Variants in PRDM16 observed in about 807,000 individuals in gnomAD.
PRDM16 encodes the protein PR/SET domain 16, also known as histone-lysine N-methyltransferase PRDM16.
Under a neutral mutation model 110.6 loss-of-function variants are expected in PRDM16, and 23 were observed. That is an observed-to-expected ratio of 0.21 (90% CI 0.15 to 0.29). PRDM16 has a LOEUF of 0.29. Among genes scored for constraint, PRDM16 ranks in the 10% least tolerant of loss-of-function variants. The probability of loss-of-function intolerance (pLI) is 1.00; values close to 1 mark genes in which losing one functional copy is unlikely to be tolerated. For missense variants in PRDM16, 1,615 were observed against 1,794.3 expected (o/e 0.90, Z 1.81); for synonymous variants, 799 against 781.8 (o/e 1.02, Z -0.37).
At chr1:3,199,885 C>A (rs1413587866) in intron 2 of PRDM16, among the ~76,000 whole-genome samples, 1 of 152,220 alleles carries the variant, frequency 6.6e-6, no homozygotes, top group African/African-American at 2.4e-5. Context: ...GTGACCCTGC[C>A]CCTCAAGGGC....
rs373011563 is a variant in PRDM16, at chr1:3,411,771, G to T, written c.1574G>T (p.Arg525Leu). Residue 525 changes from arginine to leucine, a missense_variant, in exon 9 of 17, where the codon CGG becomes CTG. Arg to Leu is a moderately radical substitution (Grantham distance 102). Around this residue, in one of 5 missense-constraint regions of PRDM16, gnomAD observed 772 missense variants for 748.3 expected, o/e 1.03. Transcript: ENST00000270722. ...PGIFPPSLYP[R>L]PPLLPPTSLL... ...ATCTTCCCTCCATCCTTGTACCCCC[G>T]GCCGCCTCTGCTACCTCCCACATCG... is the stretch of plus-strand genomic sequence containing the variant. 8 of 1,611,530 alleles carry T rather than the reference G, an allele frequency of 5.0e-6. No individual in the cohort carries two copies. Among genetic ancestry groups the T allele is most frequent in the Non-Finnish European group, 6.8e-6 (8 of 1,179,682 alleles).
At position 3,130,343 on chromosome 1, in the gene PRDM16, A is replaced by G. The variant is rs145656903; in HGVS notation, c.38-55782A>G. ...AGCGCACCACTGTGCCCCATATCCC[A>G]GTGTGTCCTTTGCAAACTACAAACC... On this transcript the variant is annotated intron_variant, in intron 1 of 16. Coordinates refer to ENST00000270722, the MANE Select transcript of PRDM16 (RefSeq NM_022114.4). Among the ~76,000 whole-genome samples, 95 of 152,304 alleles carry G rather than the reference A, an allele frequency of 6.2e-4. 2 individuals carry two copies. In the East Asian group the frequency reaches 0.014, roughly 23 times the overall value.
Position 3,353,558 on chromosome 1 carries a change from C to T in PRDM16, c.439-31594C>T, listed in dbSNP as rs1329074415. 2.0e-5 allele frequency among the ~76,000 whole-genome samples: 3 copies of T among 152,168 alleles called. No individual in the cohort carries two copies. Among genetic ancestry groups the T allele is most frequent in the Non-Finnish European group, 4.4e-5 (3 of 68,010 alleles). The stretch of plus-strand genomic sequence containing the variant: ...CACCCCGTTACACTCCAGCCAAGTA[C>T]TGGGGGCCACGGGCTGAGGGCACAG... On this transcript the variant is annotated intron_variant, in intron 3 of 16. Coordinates refer to ENST00000270722, the MANE Select transcript of PRDM16 (RefSeq NM_022114.4). This position sits in a 1 kb window ranked among gnomAD's most constrained non-coding sequence, Gnocchi z 5.4.
rs954944649 is a variant in PRDM16, at chr1:3,277,081, C to G, written c.438+32944C>G. The stretch of plus-strand genomic sequence containing the variant: ...TTCCCCCAGGACCCCGTTGGCATGA[C>G]AGGACTTGACACCAGCCATTCGTCA... On this transcript the variant is annotated intron_variant, in intron 3 of 16. Transcript: ENST00000270722. Among the ~76,000 whole-genome samples, 20 of 152,302 alleles carry G rather than the reference C, an allele frequency of 1.3e-4. No homozygotes were observed. The East Asian group carries it at 3.9e-3, about 29-fold the overall frequency.
intron 3 of PRDM16, among the ~76,000 whole-genome samples, chr1:3,368,627 G>A (rs759185664): frequency 1.3e-5 from 2 of 152,182 alleles, no homozygotes; most frequent in Non-Finnish European, 2.9e-5. Flanking sequence ...GAGGTGTCCT[G>A]GCTCAGGATA....
At chr1:3,181,874 G>GCA (rs1457925019) in intron 1 of PRDM16, among the ~76,000 whole-genome samples, 4,472 of 97,492 alleles carry the variant, frequency 0.046, 160 homozygotes, top group Admixed American at 0.065. Flanking sequence ...TCTTACACAC[G>GCA]GTCTTGCACA....
chr1:3,361,071 C>T (rs1198984393), intron 3 of PRDM16, among the ~76,000 whole-genome samples: 3 of 152,216 alleles, frequency 2.0e-5, no homozygotes, highest in African/African-American at 4.8e-5. Flanking sequence ...TTCCATTGAG[C>T]GCAGGAAAGG....
At chr1:3,361,695 G>A (rs771844985) in intron 3 of PRDM16, among the ~76,000 whole-genome samples, 4 of 152,250 alleles carry the variant, frequency 2.6e-5, no homozygotes, top group Non-Finnish European at 5.9e-5. Context: ...GAGTGGAACA[G>A]AAGGCTATGT....
At chr1:3,405,041 G>A (rs150845845) in intron 7 of PRDM16, among the ~76,000 whole-genome samples, 155 bp downstream of exon 7, 3 of 152,188 alleles carry the variant, frequency 2.0e-5, no homozygotes, top group Non-Finnish European at 2.9e-5. Context: ...CCTTCCGTGT[G>A]ACTAGGAAGG....
chr1:3,205,733 T>C (rs888186315), intron 2 of PRDM16, among the ~76,000 whole-genome samples: 2 of 152,092 alleles, frequency 1.3e-5, no homozygotes, highest in African/African-American at 4.8e-5. Flanking sequence ...ATGTGTGAGG[T>C]TGGGGGCTGG....
chr1:3,427,961 C>T (rs2100696654), intron 14 of PRDM16, among the ~76,000 whole-genome samples: 1 of 152,314 alleles, frequency 6.6e-6, no homozygotes, highest in Non-Finnish European at 1.5e-5. Flanking sequence ...CCATGAGCGC[C>T]ACAGGCCAGG....
intron 1 of PRDM16, among the ~76,000 whole-genome samples, chr1:3,121,607 A>T (rs1042562755): frequency 1.3e-5 from 2 of 152,208 alleles, no homozygotes; most frequent in African/African-American, 4.8e-5. Flanking sequence ...GGTGGTGAGA[A>T]ATGAATGGGC....
chr1:3,220,373 G>A (rs1443360363), intron 2 of PRDM16, among the ~76,000 whole-genome samples: 1 of 152,176 alleles, frequency 6.6e-6, no homozygotes, highest in Non-Finnish European at 1.5e-5. Flanking sequence ...GGCCAATCCA[G>A]GAGCTACCTG....
rs1043747428 is a variant in PRDM16, at chr1:3,417,915, C to G, written c.2779C>G (p.His927Asp). 2 of 1,612,384 alleles carry G rather than the reference C, an allele frequency of 1.2e-6. No homozygotes were observed. Among genetic ancestry groups the G allele is most frequent in the Non-Finnish European group, 1.7e-6 (2 of 1,178,860 alleles). ...DSGSSLQPLP[H>D]HPFNFRSPPP... ...GGGCAGCTCCCTGCAGCCCCTCCCC[C>G]ACCACCCCTTCAACTTCCGGTCCCC... Residue 927 changes from histidine to aspartate, a missense_variant, in exon 11 of 17, where the codon CAC (histidine) becomes GAC (aspartate). Transcript: ENST00000270722.
intron 3 of PRDM16, among the ~76,000 whole-genome samples, chr1:3,280,858 TGGGGCAGGGGCAGGGAA>T (rs1248038973): frequency 1.3e-5 from 2 of 152,196 alleles, no homozygotes; most frequent in East Asian, 3.9e-4. Flanking sequence ...TCACAGCCCC[TGGGGCAGGGGCAGGGAA>T]ATTTGGTCAG....
intron 1 of PRDM16, among the ~76,000 whole-genome samples, chr1:3,147,479 C>G (rs1643698551): frequency 6.6e-6 from 1 of 152,066 alleles, no homozygotes; most frequent in Admixed American, 6.5e-5. Context: ...CTGAGATGTC[C>G]GACTGTGGAC....
chr1:3,166,332 C>T (rs1007748780), intron 1 of PRDM16, among the ~76,000 whole-genome samples: 1 of 152,254 alleles, frequency 6.6e-6, no homozygotes, highest in African/African-American at 2.4e-5. Context: ...GGGGTCCCTG[C>T]CAGGTGCCAC....
chr1:3,192,889 T>C (rs912263719), intron 2 of PRDM16, among the ~76,000 whole-genome samples: 6 of 152,048 alleles, frequency 3.9e-5, no homozygotes, highest in African/African-American at 2.4e-5. Flanking sequence ...CCCTGCAGGT[T>C]TGTTGGAAAT....
intron 8 of PRDM16, among the ~76,000 whole-genome samples, chr1:3,408,783 CGT>C (rs1643610372): frequency 1.6e-5 from 2 of 122,038 alleles, no homozygotes; most frequent in Admixed American, 1.6e-4. Context: ...AGTGTGGGCG[CGT>C]GAGCCGGTGC....
Sources: allele counts gnomAD v4.1 joint callset (sites outside exome capture counted in the v4.1 genomes callset), GRCh38; gene constraint gnomAD v4.1.1; regional missense constraint gnomAD v4.1.1; non-coding constraint Gnocchi (gnomAD v3.1); transcripts MANE v1.5; gene names NCBI Gene and HGNC (gene_info 2026-07-23, HGNC 2026-07-21).